The following EIF4E3 variants were observed in gnomAD, a reference collection of about 807,000 sequenced individuals.
EIF4E3 encodes eukaryotic translation initiation factor 4E type 3.
In EIF4E3, 26 loss-of-function variants were observed where a neutral mutation model predicts 31.7. The ratio of observed to expected loss-of-function variants is 0.82; its 90% CI spans 0.60 to 1.14. The LOEUF (loss-of-function observed/expected upper bound fraction) is 1.14, where lower values mean the gene tolerates loss of function less well. Among genes scored for constraint, EIF4E3 ranks in the 50% most tolerant of loss-of-function variants. The probability of loss-of-function intolerance (pLI) is 0.00; values close to 1 mark genes in which losing one functional copy is unlikely to be tolerated. For synonymous variants in EIF4E3, 128 were observed against 107.7 expected, an observed-to-expected ratio of 1.19 and a Z score of -1.17; for missense variants, 304 against 270.9, an observed-to-expected ratio of 1.12 and a Z score of -0.86.
chr3:71,743,460 T>G (rs929015153), intron 1 of EIF4E3, among the ~76,000 whole-genome samples: 1 of 152,128 alleles, frequency 6.6e-6, no homozygotes, highest in Non-Finnish European at 1.5e-5. Context: ...TACAAAAGAC[T>G]GCTGAGAGAA....
At chr3:71,701,578 G>A (rs987931863) in intron 2 of EIF4E3, among the ~76,000 whole-genome samples, 1 of 152,148 alleles carries the variant, frequency 6.6e-6, no homozygotes, top group African/African-American at 2.4e-5. Flanking sequence ...TGATCATCTG[G>A]GTCTCCCAGT....
Position 71,678,277 on chromosome 3 carries a change from A to T in EIF4E3, c.*6405T>A, listed in dbSNP as rs1381391243. 2 of 152,242 alleles carry T rather than the reference A, an allele frequency of 1.3e-5. No homozygotes were observed. Among genetic ancestry groups the T allele is most frequent in the Admixed American group, 6.5e-5 (1 of 15,286 alleles). 9.4% of individuals were successfully genotyped at this position (152,242 alleles called of 1,614,324 possible). On this transcript the variant is annotated 3_prime_UTR_variant, in exon 7 of 7. Transcript: ENST00000425534. Reference sequence around the variant, plus strand: ...AGAACCTCAATACAGAATGAGAATTAGTAGCAACAGATTACAAAAGATCTC... The same window carrying T: ...AGAACCTCAATACAGAATGAGAATTTGTAGCAACAGATTACAAAAGATCTC...
At chr3:71,744,687 GT>G (rs1442847146) in intron 1 of EIF4E3, among the ~76,000 whole-genome samples, 14 of 152,368 alleles carry the variant, frequency 9.2e-5, no homozygotes, top group Non-Finnish European at 1.3e-4. Context: ...AGAGGTTGCA[GT>G]GAGCCGAGAC....
At chr3:71,722,326 G>C (rs2049564421) in intron 1 of EIF4E3, among the ~76,000 whole-genome samples, 2 of 152,218 alleles carry the variant, frequency 1.3e-5, no homozygotes, top group African/African-American at 4.8e-5. Flanking sequence ...GTAAGGTTTT[G>C]AGAGTCACCA....
chr3:71,745,609 C>T (rs966771843), intron 1 of EIF4E3, among the ~76,000 whole-genome samples: 4 of 152,166 alleles, frequency 2.6e-5, no homozygotes, highest in African/African-American at 9.7e-5. Context: ...ACAGCAGTAG[C>T]AGCTTTGATA....
At chr3:71,724,374 A>C (rs185305233) in intron 1 of EIF4E3, among the ~76,000 whole-genome samples, 121 of 152,370 alleles carry the variant, frequency 7.9e-4, no homozygotes, top group Middle Eastern at 3.4e-3. Flanking sequence ...ACAGACTGAA[A>C]GTAAACAAAT....
At chr3:71,733,055 T>C (rs1445487151) in intron 1 of EIF4E3, among the ~76,000 whole-genome samples, 2 of 152,244 alleles carry the variant, frequency 1.3e-5, no homozygotes, top group East Asian at 3.8e-4. Flanking sequence ...GCTTTTTGAA[T>C]ACGAGTGTCC....
the EIF4E3 span, among the ~76,000 whole-genome samples, chr3:71,668,235 C>A: frequency 6.6e-6 from 1 of 152,118 alleles, no homozygotes; most frequent in Admixed American, 6.5e-5. Context: ...CTTCCTTACA[C>A]CTTATACAAA....
downstream of EIF4E3, among the ~76,000 whole-genome samples, chr3:71,675,183 T>C (rs2048866577): frequency 2.6e-5 from 4 of 152,180 alleles, no homozygotes; most frequent in Admixed American, 1.3e-4. Context: ...ACACAAATAG[T>C]TAAAGGTCAC....
At chr3:71,733,081 T>C (rs1297442471) in intron 1 of EIF4E3, among the ~76,000 whole-genome samples, 1 of 152,228 alleles carries the variant, frequency 6.6e-6, no homozygotes, top group East Asian at 1.9e-4. Context: ...TGTATGCTCG[T>C]TGGGGATCTA....
chr3:71,710,439 C>T lies in EIF4E3; in HGVS notation c.222G>A (p.Lys74=). The T allele has an allele frequency of 6.4e-7, 1 of 1,551,246 alleles. No individual in the cohort carries two copies. Among genetic ancestry groups the T allele is most frequent in the Non-Finnish European group, 8.7e-7 (1 of 1,146,772 alleles). ...GTACTGTCTGTACTGTGTAGATTTT[C>T]TTCAGATTTGATGCGCACTCAGCTG... ...ATAAECASNL[K]KIYTVQTVQI... Residue 74 remains lysine, a synonymous_variant, in exon 2 of 7, where the codon AAG becomes AAA. Coordinates refer to ENST00000425534, the MANE Select transcript of EIF4E3 (RefSeq NM_001134651.2).
At chr3:71,694,045 C>T (rs1413995344) in intron 4 of EIF4E3, 104 bp from the exon 5 acceptor site, 16 of 1,149,700 alleles carry the variant, frequency 1.4e-5, no homozygotes, top group Non-Finnish European at 1.9e-5. Flanking sequence ...ACTTCACATG[C>T]ACTTTCTGTG....
At position 71,683,689 on chromosome 3, in the gene EIF4E3, G is replaced by A. The variant is rs1204651243; in HGVS notation, c.*993C>T. 1 of 152,184 alleles carries A rather than the reference G, an allele frequency of 6.6e-6. No homozygotes were observed. Among genetic ancestry groups the A allele is most frequent in the African/African-American group, 2.4e-5 (1 of 41,438 alleles). The allele number at this position is 152,184 out of a possible 1,614,324, so 9.4% of individuals were successfully genotyped here. On this transcript the variant is annotated 3_prime_UTR_variant, in exon 7 of 7. Coordinates refer to ENST00000425534, the MANE Select transcript of EIF4E3 (RefSeq NM_001134651.2). ...AAAAAGGGTGGGGACAGCTGCCCAG[G>A]CTGGAGGACTACTGATGATGAGAAA...
chr3:71,701,064 C>T (rs1035581869), intron 2 of EIF4E3, among the ~76,000 whole-genome samples: 44 of 152,156 alleles, frequency 2.9e-4, no homozygotes, highest in African/African-American at 1.0e-3. Context: ...TGCCCATGCT[C>T]GCACCCTCAT....
chr3:71,743,255 C>G (rs1559614667), intron 1 of EIF4E3, among the ~76,000 whole-genome samples: 1 of 151,996 alleles, frequency 6.6e-6, no homozygotes, highest in South Asian at 2.1e-4. Flanking sequence ...TAGAATTTAC[C>G]CTCAAAAAAC....
At chr3:71,718,495 T>G (rs1448720204) in intron 1 of EIF4E3, among the ~76,000 whole-genome samples, 1 of 152,220 alleles carries the variant, frequency 6.6e-6, no homozygotes, top group East Asian at 1.9e-4. Context: ...CATCTTGAGA[T>G]ATATTAATCC....
At position 71,714,153 on chromosome 3, in the gene EIF4E3, A is replaced by C. The variant is rs969546593; in HGVS notation, c.177-3669T>G. ...TTTGAACCTGGGAGGCGGAGGTTGCAGTGAGCCGAGATTGCGCCACTGCAC... is the reference window on the plus strand; with the variant it reads ...TTTGAACCTGGGAGGCGGAGGTTGCCGTGAGCCGAGATTGCGCCACTGCAC... On this transcript the variant is annotated intron_variant, in intron 1 of 6. Coordinates refer to ENST00000425534, the MANE Select transcript of EIF4E3 (RefSeq NM_001134651.2). 1.3e-5 allele frequency among the ~76,000 whole-genome samples: 2 copies of C among 151,956 alleles called. 1 individual carries two copies. The highest frequency in any genetic ancestry group is 6.3e-3 in the Middle Eastern group (2 of 316).
Position 71,714,258 on chromosome 3 carries a change from G to T in EIF4E3, c.177-3774C>A, listed in dbSNP as rs1331899907. Among the ~76,000 whole-genome samples the T allele has an allele frequency of 4.3e-4, 49 of 114,772 alleles. 1 individual carries two copies. The highest frequency in any genetic ancestry group is 1.9e-3 in the African/African-American group (49 of 25,668). 75.3% of individuals were successfully genotyped at this position (114,772 alleles called of 152,430 possible). A position where few individuals can be genotyped will look rare whatever the true frequency, so the allele number is the denominator to read the frequency against. On this transcript the variant is annotated intron_variant, in intron 1 of 6. Coordinates refer to ENST00000425534, the MANE Select transcript of EIF4E3 (RefSeq NM_001134651.2). ...GGAAGAAGGAAAGGAAGGAAGGAAGGAAGGAAGGAAGGAAAGAAGGAAGGA... is the reference window on the plus strand; with the variant it reads ...GGAAGAAGGAAAGGAAGGAAGGAAGTAAGGAAGGAAGGAAAGAAGGAAGGA...
In EIF4E3 at chr3:71,677,584, G is replaced by A. The variant is rs947078570; in HGVS notation, c.*7098C>T. 1.3e-5 allele frequency: 2 copies of A among 152,072 alleles called. No homozygotes were observed. Among genetic ancestry groups the A allele is most frequent in the African/African-American group, 2.4e-5 (1 of 41,412 alleles). 9.4% of individuals were successfully genotyped at this position (152,072 alleles called of 1,614,324 possible). A position where few individuals can be genotyped will look rare whatever the true frequency, so the allele number is the denominator to read the frequency against. On this transcript the variant is annotated 3_prime_UTR_variant, in exon 7 of 7. Coordinates refer to ENST00000425534, the MANE Select transcript of EIF4E3 (RefSeq NM_001134651.2). ...AGTAATCAGATGCAAATATGAGAGGGAAACATTATGAAATTTTAAAGCCTT... is the reference window on the plus strand; with the variant it reads ...AGTAATCAGATGCAAATATGAGAGGAAAACATTATGAAATTTTAAAGCCTT...
Sources: allele counts gnomAD v4.1 joint callset (sites outside exome capture counted in the v4.1 genomes callset), GRCh38; gene constraint gnomAD v4.1.1; transcripts MANE v1.5; gene names NCBI Gene and HGNC (gene_info 2026-07-23, HGNC 2026-07-21).